The following PJA2 variants were observed in gnomAD, a reference collection of about 807,000 sequenced individuals.
The protein encoded by PJA2 is E3 ubiquitin-protein ligase Praja-2.
Under a neutral mutation model 69.3 loss-of-function variants are expected in PJA2, and 25 were observed. That is an observed-to-expected ratio of 0.36 (90% CI 0.26 to 0.50). PJA2 has a LOEUF of 0.50. PJA2 is among the 20% of genes least tolerant of loss of function. The pLI, the probability that PJA2 is intolerant of heterozygous loss-of-function variation, is 0.96. For synonymous variants in PJA2, 308 were observed against 277.8 expected, an observed-to-expected ratio of 1.11 and a Z score of -1.08; for missense variants, 809 against 830.2, an observed-to-expected ratio of 0.97 and a Z score of 0.31.
rs1156514283 is a variant in PJA2 at position 109,340,778 on chromosome 5, G to T, written c.2001+3412C>A. Among the ~76,000 whole-genome samples, 28 of 102,974 alleles carry T rather than the reference G, an allele frequency of 2.7e-4. 2 individuals carry two copies. The East Asian group carries it at 3.1e-3, about 11-fold the overall frequency. 67.6% of individuals were successfully genotyped at this position (102,974 alleles called of 152,430 possible). A position where few individuals can be genotyped will look rare whatever the true frequency, so the allele number is the denominator to read the frequency against. Reference sequence around the variant, plus strand: ...TGATTCTCCTGCCTCAGCCTGCCCAGTGCCTGCGATTGCAGGCTCGCGCCG... The same window carrying T: ...TGATTCTCCTGCCTCAGCCTGCCCATTGCCTGCGATTGCAGGCTCGCGCCG... On this transcript the variant is annotated intron_variant, in intron 9 of 9. Coordinates refer to ENST00000361189, the MANE Select transcript of PJA2 (RefSeq NM_014819.5).
intron 9 of PJA2, among the ~76,000 whole-genome samples, chr5:109,342,559 G>A (rs1378046012): frequency 4.0e-5 from 4 of 100,304 alleles, no homozygotes; most frequent in African/African-American, 8.5e-5. Context: ...CAGCCGCCCC[G>A]TCCGGGAGGT....
chr5:109,341,140 A>T (rs1225408053), intron 9 of PJA2, among the ~76,000 whole-genome samples: 1 of 87,854 alleles, frequency 1.1e-5, no homozygotes, highest in African/African-American at 4.2e-5. Context: ...CTGGCTGCCC[A>T]GTCTGGAAAG....
chr5:109,352,825 CTA>C (rs1762278799), intron 7 of PJA2, among the ~76,000 whole-genome samples: 1 of 150,402 alleles, frequency 6.6e-6, no homozygotes, highest in African/African-American at 2.4e-5. Flanking sequence ...TCTATAATAT[CTA>C]TAGACATCTA....
intron 9 of PJA2, among the ~76,000 whole-genome samples, chr5:109,342,789 AG>A (rs1762099894): frequency 9.6e-6 from 1 of 104,444 alleles, no homozygotes; most frequent in African/African-American, 4.2e-5. Flanking sequence ...GGAAGTGAGG[AG>A]CCCCTCTGCC....
chr5:109,391,521 T>C (rs1425469974), intron 1 of PJA2, among the ~76,000 whole-genome samples: 1 of 152,060 alleles, frequency 6.6e-6, no homozygotes, highest in Middle Eastern at 3.2e-3. Flanking sequence ...TATAAAGATG[T>C]ACCCCTATTG....
At chr5:109,388,885 G>A (rs1747222833) in intron 1 of PJA2, among the ~76,000 whole-genome samples, 1 of 152,074 alleles carries the variant, frequency 6.6e-6, no homozygotes, top group South Asian at 2.1e-4. Context: ...GAATTCCTTA[G>A]ACACACGGAA....
intron 7 of PJA2, among the ~76,000 whole-genome samples, chr5:109,353,023 GATATCTATATATTAGATACCTA>G (rs1762288333): frequency 9.4e-6 from 1 of 105,912 alleles, no homozygotes; most frequent in African/African-American, 3.7e-5. Context: ...TATATCTATA[GATATCTATATATTAGATACCTA>G]TATCATAGAC....
chr5:109,353,283 A>G (rs1405998454), intron 7 of PJA2, among the ~76,000 whole-genome samples: 2 of 141,724 alleles, frequency 1.4e-5, no homozygotes, highest in Non-Finnish European at 3.0e-5. Context: ...AATATCATAG[A>G]CATCTATATA....
At chr5:109,409,549 G>A (rs1158256717) in intron 1 of PJA2, among the ~76,000 whole-genome samples, 1 of 152,098 alleles carries the variant, frequency 6.6e-6, no homozygotes, top group African/African-American at 2.4e-5. Context: ...GAGCGGCAGC[G>A]AAGACCCCGA....
In PJA2 at chr5:109,362,968, G is replaced by C. The variant is rs1762525885; in HGVS notation, c.1524C>G (p.Val508=). 1 of 1,613,384 alleles carries C rather than the reference G, an allele frequency of 6.2e-7. No individual in the cohort carries two copies. The highest frequency in any genetic ancestry group is 1.3e-5 in the African/African-American group (1 of 74,882). ...GEIPWLQYNE[V]NESSSDEGNE... ...TTCCCTCATCACTGCTGCTTTCATT[G>C]ACTTCATTGTACTGTAACCAAGGAA... Residue 508 remains valine (V), a synonymous_variant, in exon 6 of 10, where the codon GTC becomes GTG. Transcript: ENST00000361189.
intron 7 of PJA2, among the ~76,000 whole-genome samples, chr5:109,353,443 G>GATATCTATATATTAGATATCTATA (rs1762312538): frequency 2.1e-5 from 1 of 47,034 alleles, no homozygotes; most frequent in Non-Finnish European, 6.5e-5. Flanking sequence ...CCTATATATA[G>GATATCTATATATTAGATATCTATA]ATATCTATAT....
chr5:109,407,860 A>C (rs917865434), intron 1 of PJA2, among the ~76,000 whole-genome samples: 5 of 152,176 alleles, frequency 3.3e-5, no homozygotes, highest in Non-Finnish European at 7.4e-5. Flanking sequence ...ATGTGAATAA[A>C]ATGGAGAGGC....
chr5:109,378,548 T>C lies in PJA2; in HGVS notation c.939A>G (p.Val313=), dbSNP rs1468709327. The change falls in exon 4 of 10, where the codon GTA becomes GTG. Residue 313 remains valine (V), a synonymous_variant. Transcript: ENST00000361189. ...TCAGTTTTCTAACTTTTGGCCTCACTACCTGTTCAGGAGAACTTCCATGGT... is the reference window on the plus strand; with the variant it reads ...TCAGTTTTCTAACTTTTGGCCTCACCACCTGTTCAGGAGAACTTCCATGGT... ...EKNHGSSPEQ[V]VRPKVRKLIS... The C allele has an allele frequency of 1.9e-6, 3 of 1,614,186 alleles. No homozygotes were observed. The highest frequency in any genetic ancestry group is 8.5e-7 in the Non-Finnish European group (1 of 1,180,012).
At chr5:109,407,424 G>C (rs768403559) in intron 1 of PJA2, among the ~76,000 whole-genome samples, 16 of 152,156 alleles carry the variant, frequency 1.1e-4, no homozygotes, top group Non-Finnish European at 1.8e-4. Flanking sequence ...GGCTTTACCA[G>C]AAAGCTTCAC....
At chr5:109,358,606 G>C (rs2126996730) in intron 6 of PJA2, among the ~76,000 whole-genome samples, 1 of 152,238 alleles carries the variant, frequency 6.6e-6, no homozygotes, top group African/African-American at 2.4e-5. Flanking sequence ...ATCACTTTGA[G>C]CTCAGGAGTT....
At chr5:109,343,124 A>T (rs1317447774) in intron 9 of PJA2, among the ~76,000 whole-genome samples, 6 of 114,544 alleles carry the variant, frequency 5.2e-5, no homozygotes, top group Non-Finnish European at 8.9e-5. Flanking sequence ...GTGTAGAAAG[A>T]AGTAGACATG....
intron 7 of PJA2, among the ~76,000 whole-genome samples, chr5:109,355,288 T>C (rs1045630021): frequency 1.3e-5 from 2 of 152,176 alleles, no homozygotes; most frequent in East Asian, 3.8e-4. Flanking sequence ...TTGGAAATAG[T>C]GATTTGAAAG....
At chr5:109,341,315 G>T (rs200193024) in intron 9 of PJA2, among the ~76,000 whole-genome samples, 1 of 149,028 alleles carries the variant, frequency 6.7e-6, no homozygotes, top group African/African-American at 2.5e-5. Context: ...TGTGAGGAGC[G>T]CCTCTGCCCG....
chr5:109,365,278 A>G (rs1762566631), intron 5 of PJA2, among the ~76,000 whole-genome samples: 1 of 152,230 alleles, frequency 6.6e-6, no homozygotes, highest in Admixed American at 6.5e-5. Context: ...AGCTTCTTAG[A>G]ATATGTGACT....
Sources: gnomAD v4.1 joint callset for allele counts (sites outside exome capture counted in the v4.1 genomes callset) on GRCh38, gnomAD v4.1.1 for gene constraint, MANE v1.5 for transcripts, NCBI Gene and HGNC (gene_info 2026-07-23, HGNC 2026-07-21) for gene names.